NLGN4Y: variants seen among roughly 807,000 people sequenced by gnomAD.
The protein encoded by NLGN4Y is neuroligin-4, Y-linked.
A neutral mutation model predicts 8.4 loss-of-function variants in NLGN4Y; 4 were observed. The ratio of observed to expected loss-of-function variants is 0.48; its 90% CI spans 0.23 to 1.09. NLGN4Y has a LOEUF of 1.09. Ranked by LOEUF, NLGN4Y falls within the 50% of genes least tolerant of loss-of-function variation. The pLI, the probability that NLGN4Y is intolerant of heterozygous loss-of-function variation, is 0.19. For missense variants in NLGN4Y, 90 were observed against 192.3 expected (o/e 0.47, Z 3.15); for synonymous variants, 35 against 75.6 (o/e 0.46, Z 2.78).
intron 4 of NLGN4Y, among the ~76,000 whole-genome samples, chrY:14,745,469 G>T (rs2081021562): frequency 6.0e-5 from 2 of 33,238 alleles, no homozygotes; most frequent in Admixed American, 5.6e-4. Flanking sequence ...TGATATACGT[G>T]TGGTCCTTGT....
chrY:14,714,323 A>G, intron 2 of NLGN4Y, among the ~76,000 whole-genome samples: 1 of 33,627 alleles, frequency 3.0e-5, no homozygotes, highest in Non-Finnish European at 7.3e-5. Flanking sequence ...TTTATCAAAA[A>G]AGAAAGAAAG....
At chrY:14,618,810 C>A (rs2080498836) in intron 1 of NLGN4Y, among the ~76,000 whole-genome samples, 1 of 32,847 alleles carries the variant, frequency 3.0e-5, no homozygotes, top group African/African-American at 1.2e-4. Flanking sequence ...CTGCAAAATA[C>A]CATACAGTTT....
At chrY:14,773,319 A>T (rs529759604) in intron 4 of NLGN4Y, among the ~76,000 whole-genome samples, 18 of 33,334 alleles carry the variant, frequency 5.4e-4, no homozygotes, top group Non-Finnish European at 1.0e-3. Flanking sequence ...TCCCATTCAC[A>T]ATTGCTGCAA....
At chrY:14,589,394 TAC>T (rs2080355667) in intron 1 of NLGN4Y, among the ~76,000 whole-genome samples, 1 of 31,700 alleles carries the variant, frequency 3.2e-5, no homozygotes, top group Non-Finnish European at 7.6e-5. Flanking sequence ...TCGAGCTAGA[TAC>T]AGAGTGCCGA....
chrY:14,839,630 CTG>C (rs2043208346), intron 6 of NLGN4Y, among the ~76,000 whole-genome samples: 2 of 33,538 alleles, frequency 6.0e-5, no homozygotes, highest in East Asian at 1.5e-3. Context: ...TTTCTGGACT[CTG>C]TCTTCAAAAA....
At chrY:14,588,891 G>A (rs934816083) in intron 1 of NLGN4Y, among the ~76,000 whole-genome samples, 3 of 32,326 alleles carry the variant, frequency 9.3e-5, no homozygotes, top group Non-Finnish European at 2.3e-4. Flanking sequence ...GAGTGTTACA[G>A]CTCTTAAGAT....
At chrY:14,758,004 T>G in intron 4 of NLGN4Y, among the ~76,000 whole-genome samples, 1 of 34,766 alleles carries the variant, frequency 2.9e-5, no homozygotes, top group Non-Finnish European at 7.2e-5. Flanking sequence ...TCTCATTTTG[T>G]TTATTTCTCT....
intron 2 of NLGN4Y, among the ~76,000 whole-genome samples, chrY:14,683,715 G>A (rs956427925): frequency 8.9e-5 from 3 of 33,693 alleles, no homozygotes; most frequent in Non-Finnish European, 2.2e-4. Flanking sequence ...TGTAAAGTAT[G>A]TAAAATGTGT....
At chrY:14,634,100 G>A in intron 2 of NLGN4Y, among the ~76,000 whole-genome samples, 2 of 33,335 alleles carry the variant, frequency 6.0e-5, no homozygotes, top group African/African-American at 2.3e-4. Flanking sequence ...TAAATTTATT[G>A]TGAGGTCAAT....
chrY:14,702,269 T>G (rs1603502856), intron 2 of NLGN4Y, among the ~76,000 whole-genome samples: 4 of 32,685 alleles, frequency 1.2e-4, no homozygotes, highest in African/African-American at 2.4e-4. Context: ...CCATTAACTC[T>G]TCATTTAATG....
In NLGN4Y at chrY:14,842,622, A is replaced by G; in HGVS notation, c.*1360A>G. ...AAAAATCTTTTATGTCATTTATAGG[A>G]TAAAACATATGCTTGTCTGAAAATA... On this transcript the variant is annotated 3_prime_UTR_variant, in exon 7 of 7. Coordinates refer to ENST00000684976, the MANE Select transcript of NLGN4Y (RefSeq NM_001365588.1). The G allele has an allele frequency of 8.3e-6, 1 of 120,759 alleles. No homozygotes were observed. The highest frequency in any genetic ancestry group is 1.0e-4 in the Admixed American group (1 of 9,698). 30.1% of individuals were successfully genotyped at this position (120,759 alleles called of 400,897 possible). A position where few individuals can be genotyped will look rare whatever the true frequency, so the allele number is the denominator to read the frequency against.
At chrY:14,595,199 G>A in intron 1 of NLGN4Y, among the ~76,000 whole-genome samples, 1 of 32,843 alleles carries the variant, frequency 3.0e-5, no homozygotes, top group Non-Finnish European at 7.4e-5. Flanking sequence ...TACCCGGGTT[G>A]GGCCAAATTC....
chrY:14,708,486 A>G, intron 2 of NLGN4Y, among the ~76,000 whole-genome samples: 3 of 34,068 alleles, frequency 8.8e-5, no homozygotes, highest in Non-Finnish European at 2.2e-4. Context: ...GACCTAATTC[A>G]ACAAGGTATC....
intron 4 of NLGN4Y, among the ~76,000 whole-genome samples, chrY:14,725,009 G>A: frequency 3.0e-5 from 1 of 33,179 alleles, no homozygotes; most frequent in Admixed American, 2.8e-4. Flanking sequence ...AATTATATCT[G>A]AAGACCCTTA....
chrY:14,708,755 TA>T (rs2080890257), intron 2 of NLGN4Y, among the ~76,000 whole-genome samples: 1 of 33,817 alleles, frequency 3.0e-5, no homozygotes, highest in Non-Finnish European at 7.4e-5. Context: ...AGTGGTGTAT[TA>T]GTTGACTTTT....
intron 4 of NLGN4Y, among the ~76,000 whole-genome samples, chrY:14,775,622 A>G: frequency 3.0e-5 from 1 of 33,783 alleles, no homozygotes; most frequent in Non-Finnish European, 7.3e-5. Context: ...TGTCACAAAT[A>G]CCAAAGTAAC....
chrY:14,545,016 T>G (rs2080164712), intron 1 of NLGN4Y, among the ~76,000 whole-genome samples: 1 of 26,703 alleles, frequency 3.7e-5, no homozygotes, highest in Non-Finnish European at 8.4e-5. Context: ...CACCTATGAG[T>G]GAGAATATGC....
At chrY:14,705,365 T>C (rs2080873239) in intron 2 of NLGN4Y, among the ~76,000 whole-genome samples, 1 of 33,169 alleles carries the variant, frequency 3.0e-5, no homozygotes, top group Non-Finnish European at 7.4e-5. Flanking sequence ...CCATCAAGGT[T>C]ATCAGAAGCA....
At chrY:14,531,579 T>C (rs2080115108) in intron 1 of NLGN4Y, among the ~76,000 whole-genome samples, 1 of 31,031 alleles carries the variant, frequency 3.2e-5, no homozygotes, top group African/African-American at 1.2e-4. Flanking sequence ...ATAAGTTATA[T>C]ATTAATATAT....
Sources: allele counts gnomAD v4.1 joint callset (sites outside exome capture counted in the v4.1 genomes callset), GRCh38; gene constraint gnomAD v4.1.1; transcripts MANE v1.5; gene names NCBI Gene and HGNC (gene_info 2026-07-23, HGNC 2026-07-21).